MYOZ3: variants seen among roughly 807,000 people sequenced by gnomAD.
MYOZ3 encodes the protein myozenin-3.
MYOZ3 carries 19 observed loss-of-function variants against 26.5 expected under a neutral mutation model. That is an observed-to-expected ratio of 0.72 (90% CI 0.50 to 1.05). MYOZ3 has a LOEUF of 1.05. Among genes scored for constraint, MYOZ3 ranks in the 50% least tolerant of loss-of-function variants. The pLI is 0.00. For synonymous variants in MYOZ3, 135 were observed against 138.8 expected, an observed-to-expected ratio of 0.97 and a Z score of 0.19; for missense variants, 322 against 337.1, an observed-to-expected ratio of 0.96 and a Z score of 0.35.
At position 150,678,431 on chromosome 5, in the gene MYOZ3, C is replaced by A. The variant is rs1266144668; in HGVS notation, c.*1556C>A. ...ACTTTACAGATGTGGATATTTAGGC[C>A]AAAAGGAGGAAGTGACTTGTCCAGG... On this transcript the variant is annotated 3_prime_UTR_variant, in exon 7 of 7. Transcript: ENST00000517768. 6.6e-6 allele frequency: 1 copy of A among 152,232 alleles called. No individual in the cohort carries two copies. The highest frequency in any genetic ancestry group is 1.9e-4 in the East Asian group (1 of 5,328). The allele number at this position is 152,232 out of a possible 1,614,324, so 9.4% of individuals were successfully genotyped here. A position where few individuals can be genotyped will look rare whatever the true frequency, so the allele number is the denominator to read the frequency against.
intron 2 of MYOZ3, among the ~76,000 whole-genome samples, chr5:150,665,952 T>C (rs1197180684): frequency 1.3e-5 from 2 of 151,188 alleles, no homozygotes; most frequent in African/African-American, 4.9e-5. Flanking sequence ...GGAGAATCGC[T>C]TGAACCCGGG....
In MYOZ3 at chr5:150,678,280, GTGA is replaced by G. The variant is rs372048883; in HGVS notation, c.*1423_*1425del. 4.4e-4 allele frequency: 67 copies of G among 152,316 alleles called. No homozygotes were observed. The highest frequency in any genetic ancestry group is 1.3e-3 in the African/African-American group (56 of 41,530). The allele number at this position is 152,316 out of a possible 1,614,324, so 9.4% of individuals were successfully genotyped here. ...TTTGAGCAGGCTGCTTAAAGTGGTG[GTGA>G]TGATGATGATGATGATGGCAGCTTT... On this transcript the variant is annotated 3_prime_UTR_variant, in exon 7 of 7. Transcript: ENST00000517768.
intron 6 of MYOZ3, among the ~76,000 whole-genome samples, chr5:150,674,955 T>C (rs1474127764): frequency 6.6e-6 from 1 of 152,108 alleles, no homozygotes; most frequent in Non-Finnish European, 1.5e-5. Context: ...GGTTGCAGTG[T>C]GCCGAGATCC....
chr5:150,663,316 C>G (rs1042857177), intron 2 of MYOZ3, among the ~76,000 whole-genome samples: 1 of 152,368 alleles, frequency 6.6e-6, no homozygotes, highest in East Asian at 1.9e-4. Context: ...TCTGAAGACT[C>G]TGGTCCCAAC....
chr5:150,661,296 C>T lies in MYOZ3; in HGVS notation c.-133C>T, dbSNP rs1758726898. On this transcript the variant is annotated 5_prime_UTR_variant, in exon 1 of 7. Coordinates refer to ENST00000517768, the MANE Select transcript of MYOZ3 (RefSeq NM_001122853.3). The stretch of plus-strand genomic sequence containing the variant: ...GCCAGAGCTGGCTGCAGGGGACACC[C>T]TGCTCGCTGCCTACTGACTGCTGAC... 3 of 152,476 alleles carry T rather than the reference C, an allele frequency of 2.0e-5. No homozygotes were observed. Among genetic ancestry groups the T allele is most frequent in the Non-Finnish European group, 4.4e-5 (3 of 68,096 alleles). 9.4% of individuals were successfully genotyped at this position (152,476 alleles called of 1,614,324 possible).
chr5:150,676,650 G>T, intron 6 of MYOZ3, 57 bp from the exon 7 acceptor site: 1 of 1,562,762 alleles, frequency 6.4e-7, no homozygotes. Context: ...CCACATGTCA[G>T]TGTACTGCTG....
intron 1 of MYOZ3, among the ~76,000 whole-genome samples, chr5:150,662,627 G>C (rs1361377311): frequency 6.6e-6 from 1 of 152,144 alleles, no homozygotes; most frequent in Non-Finnish European, 1.5e-5. Context: ...GGATGCCCCT[G>C]GCACCTACTC....
At chr5:150,675,262 C>T (rs1758985752) in intron 6 of MYOZ3, among the ~76,000 whole-genome samples, 1 of 138,768 alleles carries the variant, frequency 7.2e-6, no homozygotes, top group Non-Finnish European at 1.5e-5. Context: ...TAATACTTTG[C>T]ACTTCATTCT....
upstream of MYOZ3, chr5:150,661,101 G>A (rs1194592071): frequency 6.6e-6 from 1 of 152,538 alleles, no homozygotes; most frequent in Admixed American, 6.5e-5. Context: ...GTGTGCATAT[G>A]TGAGTGTGTG....
At position 150,676,887 on chromosome 5, in the gene MYOZ3, A is replaced by G. The variant is rs1234262203; in HGVS notation, c.*12A>G. 1 of 1,598,098 alleles carries G rather than the reference A, an allele frequency of 6.3e-7. No individual in the cohort carries two copies. The highest frequency in any genetic ancestry group is 1.1e-5 in the South Asian group (1 of 90,658). On this transcript the variant is annotated 3_prime_UTR_variant, in exon 7 of 7. Coordinates refer to ENST00000517768, the MANE Select transcript of MYOZ3 (RefSeq NM_001122853.3). ...CCGAGGAGCTGTAGCCCTAGCCTGA[A>G]TCTTCAGTTCCCCAGTCTCGGGGGC...
In MYOZ3 at chr5:150,672,359, G is replaced by A. The variant is rs1758931251; in HGVS notation, c.444G>A (p.Lys148=). The A allele has an allele frequency of 6.2e-7, 1 of 1,610,046 alleles. No homozygotes were observed. Among genetic ancestry groups the A allele is most frequent in the Non-Finnish European group, 8.5e-7 (1 of 1,178,572 alleles). ...ALAPGYAEPL[K]GVPPEKFNHT... is the part of the protein sequence containing the mutation. ...CCCTAGGCTATGCGGAGCCGCTGAA[G>A]GGCGTCCCGCCAGAGAAGTTCAACC... Residue 148 remains lysine (K), a synonymous_variant, in exon 6 of 7, where the codon AAG becomes AAA. Transcript: ENST00000517768.
rs551161142 is a variant in MYOZ3 at position 150,676,776 on chromosome 5, G to A, written c.657G>A (p.Pro219=). Residue 219 remains proline (P), a synonymous_variant, in exon 7 of 7, where the codon CCG becomes CCA. Coordinates refer to ENST00000517768, the MANE Select transcript of MYOZ3 (RefSeq NM_001122853.3). ...CCAGGCCAGGCACCCCCTTCATCCCGGAGCCCCTCAGTGGCTTGGAACTCC... is the reference window on the plus strand; with the variant it reads ...CCAGGCCAGGCACCCCCTTCATCCCAGAGCCCCTCAGTGGCTTGGAACTCC... The part of the protein sequence containing the change: ...TFPRPGTPFI[P]EPLSGLELLR... 2.0e-5 allele frequency: 33 copies of A among 1,613,978 alleles called. No homozygotes were observed. The highest frequency in any genetic ancestry group is 9.3e-5 in the African/African-American group (7 of 74,964).
intron 1 of MYOZ3, 83 bp from the exon 2 acceptor site, chr5:150,662,858 G>A (rs1758755288): frequency 2.4e-6 from 3 of 1,272,804 alleles, no homozygotes; most frequent in Admixed American, 3.6e-5. Flanking sequence ...TCAGGACTGG[G>A]GCAGGGTGAA....
At position 150,671,896 on chromosome 5, in the gene MYOZ3, G is replaced by A. The variant is rs2151448217; in HGVS notation, c.412G>A (p.Ala138Thr). 6.4e-7 allele frequency: 1 copy of A among 1,553,242 alleles called. No individual in the cohort carries two copies. ...TGCTGGGTGCGTCCCCAGCCCCAGCGCCCTGGCGCCAGGTGAGTGGCCTCC... is the reference window on the plus strand; with the variant it reads ...TGCTGGGTGCGTCCCCAGCCCCAGCACCCTGGCGCCAGGTGAGTGGCCTCC... ...APAGCVPSPS[A>T]LAPGYAEPLK... The change falls in exon 5 of 7, where the codon GCC (alanine) becomes ACC (threonine). Residue 138 changes from alanine (A) to threonine (T), a missense_variant. Ala to Thr is a moderately conservative substitution (Grantham distance 58). Coordinates refer to ENST00000517768, the MANE Select transcript of MYOZ3 (RefSeq NM_001122853.3).
chr5:150,674,614 A>G (rs1267260680), intron 6 of MYOZ3, among the ~76,000 whole-genome samples: 3 of 152,238 alleles, frequency 2.0e-5, no homozygotes, highest in African/African-American at 7.2e-5. Context: ...CCCTGGCTCA[A>G]GGTTTGTCTT....
chr5:150,676,659 T>C (rs556839093), intron 6 of MYOZ3, 48 bp from the exon 7 acceptor site: 1 of 1,587,066 alleles, frequency 6.3e-7, no homozygotes, highest in East Asian at 2.2e-5. Flanking sequence ...AGTGTACTGC[T>C]GTCCCTGTTC....
chr5:150,670,295 A>G, intron 2 of MYOZ3, 189 bp from the exon 3 acceptor site: 1 of 527,462 alleles, frequency 1.9e-6, no homozygotes, highest in South Asian at 3.9e-5. Context: ...AAACACATGC[A>G]AATTAAACTC....
At chr5:150,669,342 G>A (rs1345685571) in intron 2 of MYOZ3, among the ~76,000 whole-genome samples, 1 of 151,664 alleles carries the variant, frequency 6.6e-6, no homozygotes, top group Non-Finnish European at 1.5e-5. Flanking sequence ...AGCTACTCAC[G>A]AGCCTAAGGC....
chr5:150,669,460 A>G (rs1430794743), intron 2 of MYOZ3, among the ~76,000 whole-genome samples: 2 of 151,918 alleles, frequency 1.3e-5, no homozygotes, highest in African/African-American at 2.4e-5. Flanking sequence ...CAAAACATGT[A>G]TGCTATAATT....
Sources: allele counts gnomAD v4.1 joint callset (sites outside exome capture counted in the v4.1 genomes callset), GRCh38; gene constraint gnomAD v4.1.1; transcripts MANE v1.5; gene names NCBI Gene and HGNC (gene_info 2026-07-23, HGNC 2026-07-21).